NT5E: variants seen among roughly 807,000 people sequenced by gnomAD.
NT5E encodes the protein 5'-nucleotidase.
Under a neutral mutation model 55.1 loss-of-function variants are expected in NT5E, and 53 were observed. That is an observed-to-expected ratio of 0.96 (90% confidence interval 0.77 to 1.21). The LOEUF is 1.21. Among genes scored for constraint, NT5E ranks in the 50% most tolerant of loss-of-function variants. NT5E has a pLI of 0.00. For missense variants in NT5E, 683 were observed against 724.3 expected, an observed-to-expected ratio of 0.94 and a Z score of 0.65; for synonymous variants, 270 against 278.4, an observed-to-expected ratio of 0.97 and a Z score of 0.30.
chr6:85,457,008 G>A (rs1467169013), intron 1 of NT5E, among the ~76,000 whole-genome samples: 1 of 152,168 alleles, frequency 6.6e-6, no homozygotes, highest in East Asian at 1.9e-4. Context: ...AGTAAGTGCC[G>A]GCTGTACTTG....
At chr6:85,491,386 C>T in intron 7 of NT5E, 1 of 323,666 alleles carries the variant, frequency 3.1e-6, no homozygotes, top group South Asian at 2.5e-5. Context: ...GATAGAATTG[C>T]TTTCCTGAGT....
intron 1 of NT5E, among the ~76,000 whole-genome samples, chr6:85,463,586 GCT>G (rs773051305): frequency 1.8e-4 from 28 of 152,328 alleles, no homozygotes; most frequent in Non-Finnish European, 2.8e-4. Flanking sequence ...AAGATTATCT[GCT>G]CTGTTATGAT....
chr6:85,487,613 C>A, intron 5 of NT5E, 124 bp downstream of exon 5: 1 of 1,337,256 alleles, frequency 7.5e-7, no homozygotes, highest in Non-Finnish European at 1.1e-6. Context: ...ACATTTTTAG[C>A]CAGGGTGGTG....
Position 85,467,224 on chromosome 6 carries a change from T to C in NT5E, c.504T>C (p.Asp168=), listed in dbSNP as rs551588425. 9.3e-6 allele frequency: 15 copies of C among 1,614,058 alleles called. No homozygotes were observed. Among genetic ancestry groups the C allele is most frequent in the Non-Finnish European group, 1.3e-5 (15 of 1,180,034 alleles). ...CATATAAAGTTCTTCCTGTTGGTGA[T>C]GAAGTTGTGGGAATCGTTGGATACA... ...YLPYKVLPVG[D]EVVGIVGYTS... is the part of the protein sequence containing the mutation. The change falls in exon 2 of 9, where the codon GAT becomes GAC. Residue 168 remains aspartate (D), a synonymous_variant. Coordinates refer to ENST00000257770, the MANE Select transcript of NT5E (RefSeq NM_002526.4).
At chr6:85,464,842 A>T (rs1436157759) in intron 1 of NT5E, among the ~76,000 whole-genome samples, 1 of 152,076 alleles carries the variant, frequency 6.6e-6, no homozygotes. Flanking sequence ...ATGGTGAGGG[A>T]GAGGGAAGAG....
chr6:85,478,242 T>A (rs1024833008), intron 3 of NT5E, among the ~76,000 whole-genome samples: 1 of 152,176 alleles, frequency 6.6e-6, no homozygotes, highest in African/African-American at 2.4e-5. Context: ...AGCTGTCTCA[T>A]GAAACTGCTT....
intron 5 of NT5E, 42 bp downstream of exon 5, chr6:85,487,531 A>C: frequency 6.2e-7 from 1 of 1,610,912 alleles, no homozygotes; most frequent in Non-Finnish European, 8.5e-7. Flanking sequence ...GGGAGGAAGG[A>C]AAGGAAGAGG....
chr6:85,467,495 T>C (rs1295397315), intron 2 of NT5E, among the ~76,000 whole-genome samples: 5 of 152,172 alleles, frequency 3.3e-5, no homozygotes, highest in Admixed American at 6.5e-5. Flanking sequence ...ACTTCTTTGT[T>C]GACAAAAACA....
rs1015716854 is a variant in NT5E at position 85,492,035 on chromosome 6, T to A, written c.1419T>A (p.Asp473Glu). ...CTGGAGACAGAGTAGTCAAATTAGA[T>A]GTTCTTTGCACCAAGTGTCGAGTGC... is the stretch of plus-strand genomic sequence containing the variant. ...RKPGDRVVKLDVLCTKCRVPS... is the reference protein window; with the variant it reads ...RKPGDRVVKLEVLCTKCRVPS... Residue 473 changes from aspartate to glutamate, a missense_variant, in exon 8 of 9, where the codon GAT becomes GAA. Coordinates refer to ENST00000257770, the MANE Select transcript of NT5E (RefSeq NM_002526.4). 2 of 1,614,218 alleles carry A rather than the reference T, an allele frequency of 1.2e-6. No individual in the cohort carries two copies. Among genetic ancestry groups the A allele is most frequent in the Non-Finnish European group, 1.7e-6 (2 of 1,180,034 alleles).
chr6:85,489,141 G>T (rs1400429323), intron 5 of NT5E, among the ~76,000 whole-genome samples: 1 of 152,088 alleles, frequency 6.6e-6, no homozygotes, highest in Non-Finnish European at 1.5e-5. Context: ...CAGGCAGAGG[G>T]CATGGCCTGC....
intron 8 of NT5E, among the ~76,000 whole-genome samples, chr6:85,493,314 G>A (rs1769825223): frequency 6.6e-6 from 1 of 152,164 alleles, no homozygotes; most frequent in Admixed American, 6.5e-5. Context: ...AAGTACTGGA[G>A]TGATATTTTT....
Position 85,450,426 on chromosome 6 carries a change from A to C in NT5E, c.287A>C (p.Tyr96Ser). ...CAGGGCACTATCTGGTTCACCGTGT[A>C]CAAGGGCGCCGAGGTGGCGCACTTC... The part of the protein sequence containing the change: ...QYQGTIWFTV[Y>S]KGAEVAHFMN... The change falls in exon 1 of 9, where the codon TAC (tyrosine) becomes TCC (serine). Residue 96 changes from tyrosine (Y) to serine (S), a missense_variant. Coordinates refer to ENST00000257770, the MANE Select transcript of NT5E (RefSeq NM_002526.4). The surrounding 1 kb of genome is among the most constrained non-coding windows in gnomAD (Gnocchi z 4.0). 6.2e-7 allele frequency: 1 copy of C among 1,604,004 alleles called. No individual in the cohort carries two copies. Among genetic ancestry groups the C allele is most frequent in the Non-Finnish European group, 8.5e-7 (1 of 1,176,410 alleles).
chr6:85,495,482 A>T lies in NT5E; in HGVS notation c.*1478A>T, dbSNP rs1769873152. 1 of 152,254 alleles carries T rather than the reference A, an allele frequency of 6.6e-6. No homozygotes were observed. Among genetic ancestry groups the T allele is most frequent in the Admixed American group, 6.5e-5 (1 of 15,286 alleles). The allele number at this position is 152,254 out of a possible 1,614,324, so 9.4% of individuals were successfully genotyped here. On this transcript the variant is annotated 3_prime_UTR_variant, in exon 9 of 9. Transcript: ENST00000257770. ...ATTAAGTACTCTTGATACAAAATAT[A>T]CTTTTAAACTTCATAACCTTTTTAT...
rs755870272 is a variant in NT5E at position 85,494,056 on chromosome 6, A to T, written c.*52A>T. 2.5e-6 allele frequency: 4 copies of T among 1,581,970 alleles called. No homozygotes were observed. In the African/African-American group the frequency reaches 4.0e-5, roughly 16 times the overall value. ...GTGAAACTGCATTTTTTCAAGTGAGATTCAAATCTGCCTTTTAGGACCTGG... is the reference window on the plus strand; with the variant it reads ...GTGAAACTGCATTTTTTCAAGTGAGTTTCAAATCTGCCTTTTAGGACCTGG... On this transcript the variant is annotated 3_prime_UTR_variant, in exon 9 of 9. Transcript: ENST00000257770.
chr6:85,478,509 G>A (rs886339558), intron 3 of NT5E, among the ~76,000 whole-genome samples: 7 of 152,062 alleles, frequency 4.6e-5, no homozygotes, highest in African/African-American at 7.2e-5. Context: ...TGGGGTTTTC[G>A]AAAGTGCTTT....
chr6:85,487,311 G>A, intron 4 of NT5E, 24 bp from the exon 5 acceptor site: 1 of 1,602,976 alleles, frequency 6.2e-7, no homozygotes, highest in Non-Finnish European at 8.5e-7. Flanking sequence ...TTAATTGTAG[G>A]GTACCTTCTT....
At chr6:85,479,227 T>C (rs1332618080) in intron 3 of NT5E, among the ~76,000 whole-genome samples, 1 of 152,214 alleles carries the variant, frequency 6.6e-6, no homozygotes, top group Non-Finnish European at 1.5e-5. Flanking sequence ...ATTCACAAAA[T>C]GACTAAATGT....
chr6:85,484,570 G>A (rs538420714), intron 3 of NT5E, among the ~76,000 whole-genome samples: 3 of 152,272 alleles, frequency 2.0e-5, no homozygotes, highest in African/African-American at 7.2e-5. Context: ...CAAGGTGAAT[G>A]TGGCTCTTCT....
intron 1 of NT5E, among the ~76,000 whole-genome samples, chr6:85,461,787 T>C (rs1343561617): frequency 6.6e-6 from 1 of 151,758 alleles, no homozygotes; most frequent in Admixed American, 6.6e-5. Flanking sequence ...ACAGGAGGGG[T>C]AGAGGCCTGG....
Sources: allele counts gnomAD v4.1 joint callset (sites outside exome capture counted in the v4.1 genomes callset), GRCh38; gene constraint gnomAD v4.1.1; non-coding constraint Gnocchi (gnomAD v3.1); transcripts MANE v1.5; gene names NCBI Gene and HGNC (gene_info 2026-07-23, HGNC 2026-07-21).